The following ITGA7 variants were observed in gnomAD, a reference collection of about 807,000 sequenced individuals.
ITGA7 encodes integrin alpha-7.
A neutral mutation model predicts 131.6 loss-of-function variants in ITGA7; 84 were observed. That is an observed-to-expected ratio of 0.64 (90% confidence interval 0.54 to 0.77). The LOEUF (loss-of-function observed/expected upper bound fraction) is 0.77, where lower values mean the gene tolerates loss of function less well. Ranked by LOEUF, ITGA7 falls within the 30% of genes least tolerant of loss-of-function variation. ITGA7 has a pLI of 0.00. For synonymous variants in ITGA7, 548 were observed against 600.7 expected (o/e 0.91, Z 1.28); for missense variants, 1,399 against 1,482.9 (o/e 0.94, Z 0.93).
chr12:55,700,422 G>A, intron 4 of ITGA7: 3 of 1,587,074 alleles, frequency 1.9e-6, no homozygotes, highest in Non-Finnish European at 2.6e-6. Context: ...TAGTGCCCAG[G>A]GCAGGGCGCA....
chr12:55,699,861 C>T lies in ITGA7; in HGVS notation c.790+9G>A, dbSNP rs768214392. ...GCCCCTAGAGTCCAGGAGGTGGGAG[C>T]TTACAAACCTAAGTAGCTATTGAGG... is the stretch of plus-strand genomic sequence containing the variant. On this transcript the variant is annotated intron_variant, in intron 5 of 24. Coordinates refer to ENST00000257879, the MANE Select transcript of ITGA7 (RefSeq NM_002206.3). 13 of 1,599,970 alleles carry T rather than the reference C, an allele frequency of 8.1e-6. No individual in the cohort carries two copies. The African/African-American group carries it at 1.5e-4, about 18-fold the overall frequency.
At chr12:55,696,210 T>C in intron 13 of ITGA7, 73 bp downstream of exon 13, 1 of 1,467,258 alleles carries the variant, frequency 6.8e-7, no homozygotes, top group Middle Eastern at 2.3e-4. Flanking sequence ...TGTGAATTGG[T>C]GTCACTGGGG....
Position 55,698,558 on chromosome 12 carries a change from C to T in ITGA7, c.1017G>A (p.Val339=). The change falls in exon 7 of 25, where the codon GTG becomes GTA. Residue 339 remains valine, a synonymous_variant. Transcript: ENST00000257879. ...GGCGCTCAAAGAAGTAGGGGGCACC[C>T]ACTATCAGGTCTGGCCAGCTATGGA... ...LNSDGWPDLI[V]GAPYFFERQE... 6.2e-7 allele frequency: 1 copy of T among 1,614,176 alleles called. No homozygotes were observed. Among genetic ancestry groups the T allele is most frequent in the Non-Finnish European group, 8.5e-7 (1 of 1,180,026 alleles).
At position 55,707,685 on chromosome 12, in the gene ITGA7, G is replaced by A. The variant is rs1447480966; in HGVS notation, c.-3C>T. On this transcript the variant is annotated 5_prime_UTR_variant, in exon 1 of 25. Transcript: ENST00000257879. The stretch of plus-strand genomic sequence containing the variant: ...TCGCGGCTCCGAGCCCCGGCCATGG[G>A]ACGATCCCTGCGCGAGCTCCCAGCG... 1 of 1,567,656 alleles carries A rather than the reference G, an allele frequency of 6.4e-7. No individual in the cohort carries two copies. The highest frequency in any genetic ancestry group is 1.9e-5 in the Admixed American group (1 of 52,864).
upstream of ITGA7, among the ~76,000 whole-genome samples, chr12:55,709,959 G>A (rs1414441855): frequency 6.6e-6 from 1 of 152,214 alleles, no homozygotes; most frequent in Non-Finnish European, 1.5e-5. Flanking sequence ...ACACACAAGA[G>A]CGTGCTAGAC....
At chr12:55,703,617 G>C (rs1334407094) in intron 1 of ITGA7, among the ~76,000 whole-genome samples, 1 of 152,072 alleles carries the variant, frequency 6.6e-6, no homozygotes, top group Non-Finnish European at 1.5e-5. Context: ...AGAATGCTGG[G>C]AGCAAAAGTA....
rs766429574 is a variant in ITGA7 at position 55,698,448 on chromosome 12, G to T, written c.1127C>A (p.Ser376Tyr). 5.6e-6 allele frequency: 9 copies of T among 1,613,476 alleles called. No individual in the cohort carries two copies. Among genetic ancestry groups the T allele is most frequent in the Non-Finnish European group, 6.8e-6 (8 of 1,179,698 alleles). ...GCTGATCCCGAACATGGAGTCAGGG[G>T]AGCCGCAGAGCCGGAGAGGGGAGAT... ...AGISPLRLCGSPDSMFGISLA... is the reference protein window; with the variant it reads ...AGISPLRLCGYPDSMFGISLA... The change falls in exon 7 of 25, where the codon TCC (serine) becomes TAC (tyrosine). Residue 376 changes from serine to tyrosine, a missense_variant. By Grantham distance (144) the Ser-to-Tyr change is moderately radical. Transcript: ENST00000257879.
At chr12:55,710,402 G>A (rs1288805027), upstream of ITGA7, among the ~76,000 whole-genome samples, 3 of 151,476 alleles carry the variant, frequency 2.0e-5, no homozygotes, top group South Asian at 4.2e-4. Flanking sequence ...CAGAGAATGC[G>A]GTAAGCTCAA....
chr12:55,712,285 G>A (rs1241828313), upstream of ITGA7: 2 of 1,538,166 alleles, frequency 1.3e-6, no homozygotes, highest in South Asian at 1.2e-5. Flanking sequence ...CTGTCTCAAG[G>A]GCCCCCTTTC....
At chr12:55,706,612 C>T (rs994113788) in intron 1 of ITGA7, among the ~76,000 whole-genome samples, 8 of 151,708 alleles carry the variant, frequency 5.3e-5, no homozygotes, top group Admixed American at 2.6e-4. Flanking sequence ...AGGATACAGG[C>T]AACATGACCA....
At chr12:55,713,601 G>A (rs1876290844), upstream of ITGA7, among the ~76,000 whole-genome samples, 1 of 152,182 alleles carries the variant, frequency 6.6e-6, no homozygotes, top group Non-Finnish European at 1.5e-5. Flanking sequence ...GGGATTAAAT[G>A]AATACATACA....
chr12:55,698,573 C>T lies in ITGA7; in HGVS notation c.1002G>A (p.Trp334Ter), dbSNP rs1216029375. Reference sequence around the variant, plus strand: ...AGGGGGCACCCACTATCAGGTCTGGCCAGCTATGGAGAGAGGGAAACATTC... The same window carrying T: ...AGGGGGCACCCACTATCAGGTCTGGTCAGCTATGGAGAGAGGGAAACATTC... ...LAVADLNSDG[W>*]PDLIVGAPYF... The change falls in exon 7 of 25, where the codon TGG becomes TGA. Residue 334 changes from tryptophan to a stop codon, truncating the protein, a stop_gained. Transcript: ENST00000257879. LOFTEE classifies it high-confidence loss of function. 1 of 1,614,138 alleles carries T rather than the reference C, an allele frequency of 6.2e-7. No homozygotes were observed. The highest frequency in any genetic ancestry group is 8.5e-7 in the Non-Finnish European group (1 of 1,179,996).
upstream of ITGA7, among the ~76,000 whole-genome samples, chr12:55,715,113 C>T (rs987116556): frequency 6.6e-6 from 1 of 152,198 alleles, no homozygotes; most frequent in Non-Finnish European, 1.5e-5. Flanking sequence ...CCCGCCTCGG[C>T]CTCCCAAAGT....
upstream of ITGA7, chr12:55,716,100 G>T: frequency 5.0e-6 from 8 of 1,597,654 alleles, no homozygotes; most frequent in Non-Finnish European, 6.8e-6. Context: ...GAGCCGGAGG[G>T]GGCCCGGCGT....
Position 55,696,367 on chromosome 12 carries a change from C to T in ITGA7, c.1803G>A (p.Arg601=). The T allele has an allele frequency of 6.3e-7, 1 of 1,594,890 alleles. No homozygotes were observed. The highest frequency in any genetic ancestry group is 8.6e-7 in the Non-Finnish European group (1 of 1,169,544). The change falls in exon 13 of 25, where the codon CGG becomes CGA. Residue 601 remains arginine (R), a synonymous_variant. Transcript: ENST00000257879. ...VTLSYSLQTP[R]LRRQAPGQGL... Reference sequence around the variant, plus strand: ...CCTGGCCAGGAGCCTGTCGCCGGAGCCGAGGGGTCTGGAGACTGTAGGACA... The same window carrying T: ...CCTGGCCAGGAGCCTGTCGCCGGAGTCGAGGGGTCTGGAGACTGTAGGACA...
intron 7 of ITGA7, 25 bp downstream of exon 7, chr12:55,698,358 G>A (rs1243618631): frequency 8.8e-6 from 14 of 1,587,460 alleles, no homozygotes; most frequent in South Asian, 1.1e-5. Context: ...CTCCCTCCCT[G>A]AGCCTTTCCA....
At chr12:55,699,500 G>A in intron 5 of ITGA7, 1 of 333,124 alleles carries the variant, frequency 3.0e-6, no homozygotes, top group Non-Finnish European at 5.8e-6. Context: ...GAGACAACGA[G>A]AGGGACTTAC....
At chr12:55,710,758 G>T (rs778445196), upstream of ITGA7, among the ~76,000 whole-genome samples, 1 of 152,110 alleles carries the variant, frequency 6.6e-6, no homozygotes, top group Non-Finnish European at 1.5e-5. Flanking sequence ...GTGAGACCCT[G>T]TCTCCAAACA....
chr12:55,703,876 T>C (rs886881919), intron 1 of ITGA7, among the ~76,000 whole-genome samples: 1 of 152,124 alleles, frequency 6.6e-6, no homozygotes, highest in Non-Finnish European at 1.5e-5. Context: ...CCATCCTTCC[T>C]TCTCCCCATG....
Sources: allele counts gnomAD v4.1 joint callset (sites outside exome capture counted in the v4.1 genomes callset), GRCh38; gene constraint gnomAD v4.1.1; transcripts MANE v1.5; gene names NCBI Gene and HGNC (gene_info 2026-07-23, HGNC 2026-07-21).